Variants in RIN2 observed in about 807,000 individuals in gnomAD.
The protein encoded by RIN2 is RAB5 interacting protein 2.
In RIN2, 36 loss-of-function variants were observed where a neutral mutation model predicts 78.0. The observed-to-expected ratio is 0.46, with a 90% CI of 0.35 to 0.61. The LOEUF is 0.61. Among genes scored for constraint, RIN2 ranks in the 20% least tolerant of loss-of-function variants. The pLI, the probability that RIN2 is intolerant of heterozygous loss-of-function variation, is 0.00. For missense variants in RIN2, 1,087 were observed against 1,159.7 expected, an observed-to-expected ratio of 0.94 and a Z score of 0.91; for synonymous variants, 466 against 466.8, an observed-to-expected ratio of 1.00 and a Z score of 0.02.
At chr20:19,853,217 C>A (rs1482763869) in intron 2 of RIN2, among the ~76,000 whole-genome samples, 10 of 152,056 alleles carry the variant, frequency 6.6e-5, no homozygotes, top group East Asian at 1.9e-4. Flanking sequence ...TGAACTCATC[C>A]TTTTTTATGG....
At chr20:19,780,635 G>GA (rs879529227) in intron 1 of RIN2, among the ~76,000 whole-genome samples, 7 of 152,348 alleles carry the variant, frequency 4.6e-5, no homozygotes, top group Non-Finnish European at 8.8e-5. Context: ...GCCAGATGGA[G>GA]AGGTGGGACA....
At position 19,783,968 on chromosome 20, in the gene RIN2, G is replaced by C. The variant is rs896473455; in HGVS notation, c.-162-15654G>C. Among the ~76,000 whole-genome samples, 44 of 152,188 alleles carry C rather than the reference G, an allele frequency of 2.9e-4. 1 individual carries two copies. Among genetic ancestry groups the C allele is most frequent in the Non-Finnish European group, 2.4e-4 (16 of 68,040 alleles). Reference sequence around the variant, plus strand: ...GAGTCCAGCAGGCTGTCGTGGAAGAGGGGACACGAGCAGCACCTGCAGTGT... The same window carrying C: ...GAGTCCAGCAGGCTGTCGTGGAAGACGGGACACGAGCAGCACCTGCAGTGT... On this transcript the variant is annotated intron_variant, in intron 1 of 12. Coordinates refer to ENST00000255006, the MANE Select transcript of RIN2 (RefSeq NM_018993.4).
At chr20:19,897,118 G>A (rs920436656) in intron 3 of RIN2, among the ~76,000 whole-genome samples, 1 of 151,974 alleles carries the variant, frequency 6.6e-6, no homozygotes, top group African/African-American at 2.4e-5. Context: ...TGTTGTTGTT[G>A]TTTTTGAGAC....
chr20:19,923,455 AAAATAAAATAAAAT>A (rs1208486673), intron 3 of RIN2, among the ~76,000 whole-genome samples: 6,972 of 128,990 alleles, frequency 0.054, 306 homozygotes, highest in East Asian at 0.2. Flanking sequence ...AAAATAAAAT[AAAATAAAATAAAAT>A]AAATAAAATA....
chr20:19,810,092 A>G (rs1234321697), intron 2 of RIN2, among the ~76,000 whole-genome samples: 3 of 152,098 alleles, frequency 2.0e-5, no homozygotes, highest in Non-Finnish European at 4.4e-5. Context: ...TCCACAGCCC[A>G]CAGGAGCCCA....
intron 2 of RIN2, among the ~76,000 whole-genome samples, chr20:19,881,650 C>T (rs976596206): frequency 6.6e-5 from 10 of 152,144 alleles, no homozygotes; most frequent in African/African-American, 2.4e-4. Context: ...AATCAGAGCT[C>T]ACCACAGCCT....
intron 1 of RIN2, among the ~76,000 whole-genome samples, chr20:19,769,167 G>A (rs914218120): frequency 7.2e-5 from 11 of 151,794 alleles, no homozygotes; most frequent in African/African-American, 2.4e-4. Flanking sequence ...GGTGATCCAC[G>A]CGCCTTGGCC....
chr20:19,839,053 G>C lies in RIN2; in HGVS notation c.-37+39306G>C, dbSNP rs538955501. On this transcript the variant is annotated intron_variant, in intron 2 of 12. Transcript: ENST00000255006. ...AGGACTGTTGGGTGAGATTGTTTCTGCAGTGGGAGGAGCACAAATCAGAGT... is the reference window on the plus strand; with the variant it reads ...AGGACTGTTGGGTGAGATTGTTTCTCCAGTGGGAGGAGCACAAATCAGAGT... Among the ~76,000 whole-genome samples the C allele has an allele frequency of 2.0e-3, 307 of 152,308 alleles. 1 individual carries two copies. Among genetic ancestry groups the C allele is most frequent in the African/African-American group, 7.0e-3 (292 of 41,574 alleles).
At chr20:19,950,873 G>C (rs1051018623) in intron 4 of RIN2, among the ~76,000 whole-genome samples, 1 of 149,972 alleles carries the variant, frequency 6.7e-6, no homozygotes, top group Non-Finnish European at 1.5e-5. Flanking sequence ...ACCCCACTGT[G>C]CCTGGCTAAC....
intron 3 of RIN2, among the ~76,000 whole-genome samples, chr20:19,900,647 A>C (rs1600734713): frequency 8.7e-6 from 1 of 115,030 alleles, no homozygotes; most frequent in African/African-American, 4.4e-5. Context: ...AAAAGAAAAA[A>C]CAAAAACAAC....
intron 1 of RIN2, among the ~76,000 whole-genome samples, chr20:19,784,405 T>C (rs1461700941): frequency 6.6e-6 from 1 of 151,198 alleles, no homozygotes; most frequent in Non-Finnish European, 1.5e-5. Flanking sequence ...ACTGTTGCAC[T>C]AAGAAATGCT....
intron 2 of RIN2, among the ~76,000 whole-genome samples, chr20:19,844,606 CT>C (rs754619188): frequency 0.089 from 4,381 of 49,040 alleles, 144 homozygotes; most frequent in Non-Finnish European, 0.11. Flanking sequence ...TCTTCCTCTT[CT>C]TCTTCTTCTT....
rs371569336 is a variant in RIN2 at position 19,926,799 on chromosome 20, G to T, written c.58-8300G>T. ...GCAACACATCCCTTTTCAAACCACTGATAACATTCCTGAATGAGACTTGGA... is the reference window on the plus strand; with the variant it reads ...GCAACACATCCCTTTTCAAACCACTTATAACATTCCTGAATGAGACTTGGA... On this transcript the variant is annotated intron_variant, in intron 3 of 12. Transcript: ENST00000255006. Among the ~76,000 whole-genome samples, 7 of 152,290 alleles carry T rather than the reference G, an allele frequency of 4.6e-5. No homozygotes were observed. The South Asian group carries it at 6.2e-4, about 14-fold the overall frequency.
chr20:19,942,850 T>A (rs1363803077), intron 4 of RIN2, among the ~76,000 whole-genome samples: 2 of 152,192 alleles, frequency 1.3e-5, no homozygotes, highest in African/African-American at 4.8e-5. Context: ...GGAGCTATTT[T>A]GACCTTGGCC....
chr20:19,792,713 G>A (rs1388723013), intron 1 of RIN2, among the ~76,000 whole-genome samples: 2 of 152,206 alleles, frequency 1.3e-5, no homozygotes, highest in Non-Finnish European at 2.9e-5. Flanking sequence ...CGTTAAGCAG[G>A]TTACCTCACC....
In RIN2 at chr20:19,819,722, T is replaced by TG. The variant is rs529734081; in HGVS notation, c.-37+19979dup. ...GCTAATTCTTTTATTTTTGTAGAGATGGGGTCTCACTATGTTGCCTGGACT... is the reference window on the plus strand; with the variant it reads ...GCTAATTCTTTTATTTTTGTAGAGATGGGGGTCTCACTATGTTGCCTGGACT... On this transcript the variant is annotated intron_variant, in intron 2 of 12. Transcript: ENST00000255006. 7.3e-3 allele frequency among the ~76,000 whole-genome samples: 1,106 copies of TG among 152,242 alleles called. 7 individuals carry two copies. Among genetic ancestry groups the TG allele is most frequent in the Non-Finnish European group, 0.012 (804 of 67,992 alleles).
rs369967415 is a variant in RIN2 at position 19,800,872 on chromosome 20, A to C, written c.-37+1125A>C. On this transcript the variant is annotated intron_variant, in intron 2 of 12. Transcript: ENST00000255006. ...AAGAAAACAGAAGTTGAATGAGATG[A>C]ACTGACTTACCTAAGGCCACACAAC... is the stretch of plus-strand genomic sequence containing the variant. 1.4e-4 allele frequency among the ~76,000 whole-genome samples: 22 copies of C among 152,350 alleles called. 1 individual carries two copies. In the South Asian group the frequency reaches 4.6e-3, roughly 32 times the overall value.
In RIN2 at chr20:19,844,633, CTTCTTCTTCTTCTTCTTCTT is replaced by C. The variant is rs1568807298; in HGVS notation, c.-37+44887_-37+44906del. Among the ~76,000 whole-genome samples, 458 of 130,764 alleles carry C rather than the reference CTTCTTCTTCTTCTTCTTCTT, an allele frequency of 3.5e-3. 8 individuals are homozygous for C. Among genetic ancestry groups the C allele is most frequent in the South Asian group, 0.01 (42 of 4,070 alleles). The allele number at this position is 130,764 out of a possible 152,430, so 85.8% of individuals were successfully genotyped here. A position where few individuals can be genotyped will look rare whatever the true frequency, so the allele number is the denominator to read the frequency against. ...TCTTCTTCTTCTTCTTCTTCTTCTTCTTCTTCTTCTTCTTCTTCTTCTTCTTCTTCTTCTTCCTTCTTCTT... is the reference window on the plus strand; with the variant it reads ...TCTTCTTCTTCTTCTTCTTCTTCTTCCTTCTTCTTCTTCTTCCTTCTTCTT... On this transcript the variant is annotated intron_variant, in intron 2 of 12. Transcript: ENST00000255006.
intron 2 of RIN2, among the ~76,000 whole-genome samples, chr20:19,846,958 C>A (rs2036805314): frequency 6.6e-6 from 1 of 152,168 alleles, no homozygotes; most frequent in Non-Finnish European, 1.5e-5. Context: ...GCTCACAGAC[C>A]TTTTGATTTT....
Sources: gnomAD v4.1 joint callset for allele counts (sites outside exome capture counted in the v4.1 genomes callset) on GRCh38, gnomAD v4.1.1 for gene constraint, MANE v1.5 for transcripts, NCBI Gene and HGNC (gene_info 2026-07-23, HGNC 2026-07-21) for gene names.